The following ATP7B variants were observed in gnomAD, a reference collection of about 807,000 sequenced individuals.
The protein encoded by ATP7B is ATPase copper transporting beta.
Under a neutral mutation model 118.9 loss-of-function variants are expected in ATP7B, and 113 were observed. The observed-to-expected ratio is 0.95, with a 90% CI of 0.82 to 1.11. The LOEUF (loss-of-function observed/expected upper bound fraction) is 1.11. Among genes scored for constraint, ATP7B ranks in the 50% most tolerant of loss-of-function variants. ATP7B has a pLI of 0.00. For missense variants in ATP7B, 1,867 were observed against 1,871.4 expected, an observed-to-expected ratio of 1.00 and a Z score of 0.04; for synonymous variants, 777 against 727.4, an observed-to-expected ratio of 1.07 and a Z score of -1.10.
At chr13:51,956,586 G>A (rs1252727865) in intron 9 of ATP7B, among the ~76,000 whole-genome samples, 1 of 152,188 alleles carries the variant, frequency 6.6e-6, no homozygotes, top group Non-Finnish European at 1.5e-5. Flanking sequence ...CCACGGAGGA[G>A]GCTAGCTGTG....
intron 3 of ATP7B, among the ~76,000 whole-genome samples, chr13:51,969,987 T>C (rs1951760224): frequency 6.6e-6 from 1 of 152,226 alleles, no homozygotes; most frequent in African/African-American, 2.4e-5. Flanking sequence ...CGAATTTTAT[T>C]GTACTTTCAG....
chr13:51,974,451 C>A lies in ATP7B; in HGVS notation c.769G>T (p.Val257Phe), dbSNP rs373242731. The A allele has an allele frequency of 9.9e-6, 16 of 1,613,902 alleles. No homozygotes were observed. Among genetic ancestry groups the A allele is most frequent in the Non-Finnish European group, 1.3e-5 (15 of 1,180,018 alleles). The change falls in exon 2 of 21, where the codon GTC becomes TTC. Residue 257 changes from valine to phenylalanine, a missense_variant. Physicochemically the swap from Val to Phe is conservative, Grantham distance 50 (BLOSUM62 -1). Transcript: ENST00000242839. Reference sequence around the variant, plus strand: ...CCATCTATTCTCAGTTGGAGGGTGACCACATGGCTTCCTTGGTGCCCCAAG... The same window carrying A: ...CCATCTATTCTCAGTTGGAGGGTGAACACATGGCTTCCTTGGTGCCCCAAG... The part of the protein sequence containing the change: ...ETLGHQGSHV[V>F]TLQLRIDGMH...
intron 15 of ATP7B, 51 bp from the exon 16 acceptor site, chr13:51,941,275 A>T: frequency 2.5e-6 from 4 of 1,603,922 alleles, no homozygotes; most frequent in Non-Finnish European, 3.4e-6. Flanking sequence ...TTCACTGTGA[A>T]CTAAAAACCA....
At chr13:51,968,630 G>GT in intron 3 of ATP7B, 23 bp from the exon 4 acceptor site, 1 of 1,613,718 alleles carries the variant, frequency 6.2e-7, no homozygotes, top group Admixed American at 1.7e-5. Flanking sequence ...GGTCATGGCT[G>GT]TAACACTCTG....
At chr13:51,940,274 A>C (rs1957253385) in intron 16 of ATP7B, among the ~76,000 whole-genome samples, 2 of 147,094 alleles carry the variant, frequency 1.4e-5, no homozygotes, top group Admixed American at 6.7e-5. Context: ...CAGCCTCCCA[A>C]AGTGCTGGGA....
chr13:51,981,828 T>TA (rs1202956765), intron 1 of ATP7B, among the ~76,000 whole-genome samples: 1 of 152,078 alleles, frequency 6.6e-6, no homozygotes, highest in Non-Finnish European at 1.5e-5. Context: ...AAACTTAAAT[T>TA]AAAAAAACAA....
rs565485407 is a variant in ATP7B, at chr13:51,989,068, G to T, written c.52-13900C>A. Among the ~76,000 whole-genome samples, 341 of 152,106 alleles carry T rather than the reference G, an allele frequency of 2.2e-3. 2 individuals carry two copies. In the South Asian group the frequency reaches 0.025, roughly 11 times the overall value. ...CTTAAAGTATAATTTTTTAAAAAAA[G>T]ATTAACATCATACATGTTTGAAAAC... On this transcript the variant is annotated intron_variant, in intron 1 of 20. Transcript: ENST00000242839.
At chr13:52,004,534 ATCTC>A (rs1953680719) in intron 1 of ATP7B, among the ~76,000 whole-genome samples, 1 of 152,216 alleles carries the variant, frequency 6.6e-6, no homozygotes, top group African/African-American at 2.4e-5. Flanking sequence ...TCCATTAACT[ATCTC>A]TAACTAGAGA....
At chr13:52,010,263 C>T (rs896809473) in intron 1 of ATP7B, among the ~76,000 whole-genome samples, 1 of 152,186 alleles carries the variant, frequency 6.6e-6, no homozygotes, top group African/African-American at 2.4e-5. Context: ...TTCTGTATCA[C>T]CGGAGCCTAG....
At chr13:51,997,464 T>C (rs1389608620) in intron 1 of ATP7B, among the ~76,000 whole-genome samples, 2 of 152,224 alleles carry the variant, frequency 1.3e-5, no homozygotes, top group Non-Finnish European at 2.9e-5. Context: ...TTAAATAATC[T>C]ATTCTGTTAG....
chr13:51,998,085 AT>A (rs1216778391), intron 1 of ATP7B, among the ~76,000 whole-genome samples: 1 of 151,770 alleles, frequency 6.6e-6, no homozygotes, highest in East Asian at 1.9e-4. Flanking sequence ...GCACCATCTA[AT>A]CCTTCTTATC....
intron 4 of ATP7B, among the ~76,000 whole-genome samples, chr13:51,965,724 G>C (rs1467428860): frequency 6.6e-6 from 1 of 152,198 alleles, no homozygotes; most frequent in Admixed American, 6.5e-5. Flanking sequence ...GGATGCTCGA[G>C]GGAGAGGAGG....
rs587783317 is a variant in ATP7B, at chr13:51,937,276, C to T, written c.4021G>A (p.Gly1341Ser). The T allele has an allele frequency of 6.2e-7, 1 of 1,613,640 alleles. No homozygotes were observed. The highest frequency in any genetic ancestry group is 1.1e-5 in the South Asian group (1 of 91,074). The change falls in exon 19 of 21, where the codon GGT becomes AGT. Residue 1341 changes from glycine to serine, a missense_variant and splice_region_variant. Gly to Ser is a moderately conservative substitution (Grantham distance 56). Transcript: ENST00000242839. The stretch of plus-strand genomic sequence containing the variant: ...AGCACAGTGGGTAAGAGCTGCCTAC[C>T]TGCTGCAATGGGTATCCCAACCAGG... ...YNLVGIPIAA[G>S]VFMPIGIVLQ...
At chr13:51,968,380 T>C (rs1951671569) in intron 4 of ATP7B, 64 bp downstream of exon 4, 2 of 1,609,428 alleles carry the variant, frequency 1.2e-6, no homozygotes, top group Non-Finnish European at 1.7e-6. Context: ...ATCACAAAGA[T>C]GGATGTGTCC....
chr13:51,990,718 C>A (rs369192608), intron 1 of ATP7B, among the ~76,000 whole-genome samples: 4 of 152,356 alleles, frequency 2.6e-5, no homozygotes, highest in African/African-American at 9.6e-5. Flanking sequence ...CACACCACTT[C>A]ATTTATTGTT....
chr13:51,934,713 G>A lies in ATP7B; in HGVS notation c.*43C>T. The A allele has an allele frequency of 6.2e-7, 1 of 1,609,146 alleles. No homozygotes were observed. Among genetic ancestry groups the A allele is most frequent in the Non-Finnish European group, 8.5e-7 (1 of 1,179,874 alleles). ...CTGGCTGTCCTGCTCAGCTTGTGGT[G>A]AGTGGAGGCAAGTCCCTGCCCCGGC... is the stretch of plus-strand genomic sequence containing the variant. On this transcript the variant is annotated 3_prime_UTR_variant, in exon 21 of 21. Transcript: ENST00000242839.
intron 3 of ATP7B, among the ~76,000 whole-genome samples, chr13:51,969,989 T>C (rs1316898523): frequency 6.6e-6 from 1 of 152,256 alleles, no homozygotes; most frequent in Non-Finnish European, 1.5e-5. Flanking sequence ...AATTTTATTG[T>C]ACTTTCAGGT....
intron 3 of ATP7B, among the ~76,000 whole-genome samples, chr13:51,969,690 C>T (rs764168355): frequency 2.0e-5 from 3 of 152,140 alleles, no homozygotes; most frequent in African/African-American, 2.4e-5. Context: ...GGAACAGAAA[C>T]ATAGGCTATA....
At chr13:51,998,266 T>C (rs1461916950) in intron 1 of ATP7B, among the ~76,000 whole-genome samples, 1 of 152,194 alleles carries the variant, frequency 6.6e-6, no homozygotes, top group African/African-American at 2.4e-5. Flanking sequence ...TCCACACTTG[T>C]TACTGATGCC....
Sources: gnomAD v4.1 joint callset for allele counts (sites outside exome capture counted in the v4.1 genomes callset) on GRCh38, gnomAD v4.1.1 for gene constraint, MANE v1.5 for transcripts, NCBI Gene and HGNC (gene_info 2026-07-23, HGNC 2026-07-21) for gene names.